Variants in TTN observed in about 807,000 individuals in gnomAD.
The protein encoded by TTN is titin, also known as connectin.
In TTN, 1,525 loss-of-function variants were observed where a neutral mutation model predicts 3,223.0. The observed-to-expected ratio is 0.47, with a 90% confidence interval of 0.45 to 0.49. TTN has a LOEUF of 0.49. Ranked by LOEUF, TTN falls within the 20% of genes least tolerant of loss-of-function variation. The probability of loss-of-function intolerance (pLI) is 0.00; values close to 1 mark genes in which losing one functional copy is unlikely to be tolerated. For missense variants in TTN, 40,786 were observed against 43,424.0 expected, an observed-to-expected ratio of 0.94 and a Z score of 5.40; for synonymous variants, 14,094 against 15,161.0, an observed-to-expected ratio of 0.93 and a Z score of 5.17.
Position 178,604,756 on chromosome 2 carries a change from T to C in TTN, c.54333A>G (p.Lys18111=). Residue 18111 remains lysine, a synonymous_variant, in exon 281 of 363, where the codon AAA becomes AAG. Transcript: ENST00000589042. ...VIDKRDASRK[K]AEWEEVTNTA... ...TGTTGGTGACTTCCTCCCATTCTGC[T>C]TTCTTCCTACTTGCATCACGTTTGT... 7.4e-6 allele frequency: 12 copies of C among 1,612,212 alleles called. No homozygotes were observed. The highest frequency in any genetic ancestry group is 1.1e-5 in the South Asian group (1 of 90,886).
Position 178,611,395 on chromosome 2 carries a change from T to C in TTN, c.50834A>G (p.Asn16945Ser), listed in dbSNP as rs1261279387. The C allele has an allele frequency of 1.2e-6, 2 of 1,612,702 alleles. No individual in the cohort carries two copies. The highest frequency in any genetic ancestry group is 1.7e-6 in the Non-Finnish European group (2 of 1,179,288). ...GVSEPSEISE[N>S]VVAKDPDCKP... ...ACAGTCTGGGTCTTTGGCAACCACA[T>C]TTTCAGAGATTTCAGATGGCTCGCT... The change falls in exon 269 of 363, where the codon AAT becomes AGT. Residue 16945 changes from asparagine to serine, a missense_variant. Coordinates refer to ENST00000589042, the MANE Select transcript of TTN (RefSeq NM_001267550.2).
At position 178,770,050 on chromosome 2, in the gene TTN, T is replaced by C; in HGVS notation, c.8641+10A>G. On this transcript the variant is annotated intron_variant, in intron 36 of 362. Transcript: ENST00000589042. ...AAGGAAAGGGCTGTAGGGGGCTGCC[T>C]GATACTTACTCTCCACAAACAGTTT... 1 of 1,614,190 alleles carries C rather than the reference T, an allele frequency of 6.2e-7. No homozygotes were observed.
rs72647884 is a variant in TTN at position 178,769,894 on chromosome 2, G to A, written c.8687C>T (p.Thr2896Ile). The A allele has an allele frequency of 6.2e-7, 1 of 1,614,044 alleles. No individual in the cohort carries two copies. Among genetic ancestry groups the A allele is most frequent in the African/African-American group, 1.3e-5 (1 of 74,992 alleles). Reference sequence around the variant, plus strand: ...CTCACACTCAAAAGAGGCAGTTTTGGTCTCAGGCACCTCGATATTTTTCAT... The same window carrying A: ...CTCACACTCAAAAGAGGCAGTTTTGATCTCAGGCACCTCGATATTTTTCAT... ...KTMKNIEVPETKTASFECEVS... is the reference protein window; with the variant it reads ...KTMKNIEVPEIKTASFECEVS... Residue 2896 changes from threonine (T) to isoleucine (I), a missense_variant, in exon 37 of 363, where the codon ACC becomes ATC. Coordinates refer to ENST00000589042, the MANE Select transcript of TTN (RefSeq NM_001267550.2).
In TTN at chr2:178,784,176, T is replaced by A. The variant is rs771271299; in HGVS notation, c.2669A>T (p.Tyr890Phe). Residue 890 changes from tyrosine to phenylalanine, a missense_variant, in exon 16 of 363, where the codon TAC becomes TTC. Physicochemically the swap from Tyr to Phe is conservative, Grantham distance 22. Transcript: ENST00000589042. Reference sequence around the variant, plus strand: ...CACCTCAACGCCAGCTTCACTCTTGTAAGTATCTGGTGTGTCAGCGAAGGG... The same window carrying A: ...CACCTCAACGCCAGCTTCACTCTTGAAAGTATCTGGTGTGTCAGCGAAGGG... The part of the protein sequence containing the change: ...QFPFADTPDT[Y>F]KSEAGVEVKK... 21 of 1,614,022 alleles carry A rather than the reference T, an allele frequency of 1.3e-5. No homozygotes were observed. The South Asian group carries it at 1.6e-4, about 13-fold the overall frequency.
At position 178,758,995 on chromosome 2, in the gene TTN, A is replaced by G; in HGVS notation, c.10292T>C (p.Leu3431Pro). The G allele has an allele frequency of 6.2e-7, 1 of 1,614,020 alleles. No homozygotes were observed. Residue 3431 changes from leucine to proline, a missense_variant, in exon 44 of 363, where the codon CTG (leucine) becomes CCG (proline). By Grantham distance (98) the Leu-to-Pro change is moderately conservative. Coordinates refer to ENST00000589042, the MANE Select transcript of TTN (RefSeq NM_001267550.2). ...AVGQVSSTANLSLEGFSKFEE... is the reference protein window; with the variant it reads ...AVGQVSSTANPSLEGFSKFEE... The stretch of plus-strand genomic sequence containing the variant: ...TTGTTTTACTTTACCTTCCAGACTC[A>G]GGTTGGCTGTGCTTGATACTTGGCC...
At chr2:178,594,670 G>A (rs1187238679) in intron 295 of TTN, 24 bp from the exon 296 acceptor site, 2 of 1,540,856 alleles carry the variant, frequency 1.3e-6, no homozygotes, top group Non-Finnish European at 1.7e-6. Flanking sequence ...TATAGGAATT[G>A]TGGTAGAAAA....
At chr2:178,664,574 C>T in intron 167 of TTN, 37 bp from the exon 168 acceptor site, 1 of 1,604,778 alleles carries the variant, frequency 6.2e-7, no homozygotes, top group East Asian at 2.2e-5. Context: ...TTAGAAGTTA[C>T]AAGAATCAAC....
chr2:178,578,820 G>C lies in TTN; in HGVS notation c.68210C>G (p.Ala22737Gly). The part of the protein sequence containing the change: ...GEGLKSEPIV[A>G]RHPFDVPDAP... ...AAGACACTTACCAAATGGATGTCTC[G>C]CAACAATTGGCTCCGATTTCAGGCC... Residue 22737 changes from alanine to glycine, a missense_variant, in exon 320 of 363, where the codon GCG (alanine) becomes GGG (glycine). Coordinates refer to ENST00000589042, the MANE Select transcript of TTN (RefSeq NM_001267550.2). 1.2e-6 allele frequency: 2 copies of C among 1,610,168 alleles called. No homozygotes were observed. Among genetic ancestry groups the C allele is most frequent in the Non-Finnish European group, 1.7e-6 (2 of 1,177,672 alleles).
In TTN at chr2:178,548,617, A is replaced by G; in HGVS notation, c.93009T>C (p.Gly31003=). The G allele has an allele frequency of 1.2e-6, 2 of 1,613,888 alleles. No individual in the cohort carries two copies. Among genetic ancestry groups the G allele is most frequent in the Non-Finnish European group, 1.7e-6 (2 of 1,179,806 alleles). ...KYTLTVENNS[G]SKSITFTVKV... is the part of the protein sequence containing the mutation. Reference sequence around the variant, plus strand: ...TCACGGTGAATGTGATTGACTTACTACCACTGTTGTTTTCCACAGTAAGGG... The same window carrying G: ...TCACGGTGAATGTGATTGACTTACTGCCACTGTTGTTTTCCACAGTAAGGG... Residue 31003 remains glycine (G), a synonymous_variant, in exon 339 of 363, where the codon GGT becomes GGC. Coordinates refer to ENST00000589042, the MANE Select transcript of TTN (RefSeq NM_001267550.2). The surrounding 1 kb of genome is among the most constrained non-coding windows in gnomAD (Gnocchi z 4.3).
rs543259458 is a variant in TTN at position 178,556,258 on chromosome 2, C to T, written c.88306+590G>A. ...CTGCCTGGCCAACATGGTGAAACTC[C>T]GTCCCTACTAAAAATACAAAAAATT... On this transcript the variant is annotated intron_variant, in intron 330 of 362. Transcript: ENST00000589042. 9.0e-5 allele frequency: 14 copies of T among 154,956 alleles called. No homozygotes were observed. In the South Asian group the frequency reaches 1.0e-3, roughly 11 times the overall value. 9.6% of individuals were successfully genotyped at this position (154,956 alleles called of 1,614,324 possible).
intron 245 of TTN, 47 bp from the exon 246 acceptor site, chr2:178,621,415 T>C: frequency 1.2e-6 from 2 of 1,607,172 alleles, no homozygotes; most frequent in Non-Finnish European, 1.7e-6. Flanking sequence ...GTCTTTGTAC[T>C]TTAAATCTAG....
chr2:178,612,888 C>T lies in TTN; in HGVS notation c.49833G>A (p.Leu16611=). The T allele has an allele frequency of 6.2e-7, 1 of 1,612,568 alleles. No homozygotes were observed. Among genetic ancestry groups the T allele is most frequent in the Non-Finnish European group, 8.5e-7 (1 of 1,179,240 alleles). The change falls in exon 265 of 363, where the codon TTG becomes TTA. Residue 16611 remains leucine, a synonymous_variant. Transcript: ENST00000589042. ...CCTGTCCTTCCATGAGCCCTGGGAG[C>T]AAGTGCTGAGTGGTGGGAACCCCTT... The part of the protein sequence containing the change: ...VAEGVPTTQH[L]LPGLMEGQEY...
intron 47 of TTN, chr2:178,746,862 C>A: frequency 6.2e-7 from 1 of 1,613,472 alleles, no homozygotes; most frequent in Non-Finnish European, 8.5e-7. Flanking sequence ...GGAGGCATTT[C>A]ATTGTCTTTT....
At chr2:178,615,247 C>G in intron 259 of TTN, 60 bp downstream of exon 259, 2 of 1,575,964 alleles carry the variant, frequency 1.3e-6, no homozygotes, top group East Asian at 2.3e-5. Flanking sequence ...TTTTCCCCAA[C>G]AAAGCCCATT....
chr2:178,528,578 T>C lies in TTN; in HGVS notation c.107173A>G (p.Ile35725Val), dbSNP rs1687594887. 2 of 1,612,948 alleles carry C rather than the reference T, an allele frequency of 1.2e-6. No homozygotes were observed. Among genetic ancestry groups the C allele is most frequent in the African/African-American group, 1.3e-5 (1 of 75,028 alleles). ...EGQNVLFTCEISGEPSPEIEW... is the reference protein window; with the variant it reads ...EGQNVLFTCEVSGEPSPEIEW... Reference sequence around the variant, plus strand: ...ATTTCAGGGGATGGCTCGCCACTGATTTCACAAGTAAAGAGAACATTTTGT... The same window carrying C: ...ATTTCAGGGGATGGCTCGCCACTGACTTCACAAGTAAAGAGAACATTTTGT... The change falls in exon 360 of 363, where the codon ATC becomes GTC. Residue 35725 changes from isoleucine to valine, a missense_variant. By Grantham distance (29) the Ile-to-Val change is conservative. Coordinates refer to ENST00000589042, the MANE Select transcript of TTN (RefSeq NM_001267550.2).
rs1201313907 is a variant in TTN, at chr2:178,597,730, C to T, written c.57352G>A (p.Gly19118Arg). 1 of 1,613,236 alleles carries T rather than the reference C, an allele frequency of 6.2e-7. No individual in the cohort carries two copies. Among genetic ancestry groups the T allele is most frequent in the South Asian group, 1.1e-5 (1 of 91,066 alleles). ...CAGGTGACGGTTGGAGGAGGCTTTC[C>T]AGACACATAGGCAATGATTCGGATC... ...GVIRIIAYVS[G>R]KPPPTVTWNM... Residue 19118 changes from glycine to arginine, a missense_variant, in exon 294 of 363, where the codon GGA becomes AGA. By Grantham distance (125) the Gly-to-Arg change is moderately radical. Coordinates refer to ENST00000589042, the MANE Select transcript of TTN (RefSeq NM_001267550.2).
In TTN at chr2:178,707,597, G is replaced by A. The variant is rs200049911; in HGVS notation, c.28970C>T (p.Ser9657Leu). Residue 9657 changes from serine (S) to leucine (L), a missense_variant, in exon 100 of 363, where the codon TCG becomes TTG. By Grantham distance (145) the Ser-to-Leu change is moderately radical (BLOSUM62 -2). Transcript: ENST00000589042. ...LELRDVAKAD[S>L]GDYVCKASNV... ...TGAAGCTTTACACACATAATCTCCC[G>A]AATCTGCTTTAGCCACATCTCTGAG... 1.5e-4 allele frequency: 241 copies of A among 1,613,826 alleles called. 1 individual carries two copies. In the African/African-American group the frequency reaches 2.6e-3, roughly 17 times the overall value.
At position 178,715,160 on chromosome 2, in the gene TTN, A is replaced by G; in HGVS notation, c.26026T>C (p.Trp8676Arg). The G allele has an allele frequency of 6.2e-7, 1 of 1,613,736 alleles. No homozygotes were observed. The highest frequency in any genetic ancestry group is 8.5e-7 in the Non-Finnish European group (1 of 1,179,708). The change falls in exon 90 of 363, where the codon TGG (tryptophan) becomes CGG (arginine). Residue 8676 changes from tryptophan (W) to arginine (R), a missense_variant. By Grantham distance (101) the Trp-to-Arg change is moderately radical. Coordinates refer to ENST00000589042, the MANE Select transcript of TTN (RefSeq NM_001267550.2). ...LQGTPPFHVS[W>R]YKDKRELRSG... is the part of the protein sequence containing the mutation. ...CTAAGTTCTCTCTTGTCTTTATACC[A>G]AGAAACGTGAAATGGGGGAGTGCCC...
At position 178,789,305 on chromosome 2, in the gene TTN, T is replaced by G. The variant is rs67491807; in HGVS notation, c.2076+55A>C. The G allele has an allele frequency of 0.012, 18,482 of 1,601,370 alleles. 140 individuals carry two copies. Among genetic ancestry groups the G allele is most frequent in the Non-Finnish European group, 0.013 (15,701 of 1,169,900 alleles). Reference sequence around the variant, plus strand: ...TTACAATAAGGAATTTCACATGATATGTGGTATTAATGTATTATAATAGGG... The same window carrying G: ...TTACAATAAGGAATTTCACATGATAGGTGGTATTAATGTATTATAATAGGG... On this transcript the variant is annotated intron_variant, in intron 13 of 362. Coordinates refer to ENST00000589042, the MANE Select transcript of TTN (RefSeq NM_001267550.2).
Sources: allele counts gnomAD v4.1 joint callset, GRCh38; gene constraint gnomAD v4.1.1; non-coding constraint Gnocchi (gnomAD v3.1); transcripts MANE v1.5; gene names NCBI Gene and HGNC (gene_info 2026-07-23, HGNC 2026-07-21).